The following QKI variants were observed in gnomAD, a reference collection of about 807,000 sequenced individuals.
QKI encodes the protein QKI, KH domain containing RNA binding.
A neutral mutation model predicts 39.0 loss-of-function variants in QKI; 10 were observed. That is an observed-to-expected ratio of 0.26 (90% CI 0.16 to 0.43). The LOEUF is 0.43. Ranked by LOEUF, QKI falls within the 20% of genes least tolerant of loss-of-function variation. The pLI, the probability that QKI is intolerant of heterozygous loss-of-function variation, is 1.00. For missense variants in QKI, 218 were observed against 428.0 expected, an observed-to-expected ratio of 0.51 and a Z score of 4.33; for synonymous variants, 204 against 155.4, an observed-to-expected ratio of 1.31 and a Z score of -2.33.
chr6:163,508,167 T>C (rs1779213586), intron 3 of QKI, among the ~76,000 whole-genome samples: 1 of 152,070 alleles, frequency 6.6e-6, no homozygotes, highest in Non-Finnish European at 1.5e-5. Context: ...CTGACATATG[T>C]ATAATTGGAG....
chr6:163,492,043 T>C (rs971110185), intron 3 of QKI, among the ~76,000 whole-genome samples: 10 of 152,206 alleles, frequency 6.6e-5, no homozygotes, highest in African/African-American at 2.4e-4. Context: ...TTTGAGCATC[T>C]TGTAGTTGTG....
chr6:163,416,360 G>T (rs927817530), intron 1 of QKI: 4 of 159,760 alleles, frequency 2.5e-5, no homozygotes, highest in East Asian at 1.8e-4. Context: ...TTCTGTGGAC[G>T]CCTAGAGAAA....
chr6:163,427,216 A>G (rs1238761917), intron 1 of QKI, among the ~76,000 whole-genome samples: 1 of 138,230 alleles, frequency 7.2e-6, no homozygotes, highest in East Asian at 2.1e-4. Context: ...CAATTTTTTA[A>G]CGTTACTGTT....
chr6:163,485,692 A>G (rs1247176735), intron 3 of QKI, among the ~76,000 whole-genome samples: 1 of 152,146 alleles, frequency 6.6e-6, no homozygotes, highest in African/African-American at 2.4e-5. Context: ...TATGCAGTTT[A>G]TCAAAGCCAT....
intron 3 of QKI, among the ~76,000 whole-genome samples, chr6:163,512,335 T>G (rs2128235355): frequency 6.6e-6 from 1 of 151,984 alleles, no homozygotes. Context: ...TCCTAGCAAG[T>G]GCAATAAAGC....
intron 3 of QKI, among the ~76,000 whole-genome samples, chr6:163,487,931 A>G (rs1392300125): frequency 6.6e-6 from 1 of 151,858 alleles, no homozygotes; most frequent in African/African-American, 2.4e-5. Flanking sequence ...CTTCATTCAT[A>G]TTAGCTAGAT....
intron 7 of QKI, chr6:163,568,351 C>T (rs1783498308): frequency 2.0e-6 from 2 of 985,334 alleles, no homozygotes; most frequent in African/African-American, 1.7e-5. Flanking sequence ...ACTCCAGTGC[C>T]TTGAGATAGT....
intron 6 of QKI, chr6:163,563,999 T>A: frequency 8.0e-7 from 1 of 1,254,204 alleles, no homozygotes; most frequent in Non-Finnish European, 1.0e-6. Context: ...TTGACATTAC[T>A]GAGGTCATTC....
intron 4 of QKI, among the ~76,000 whole-genome samples, chr6:163,553,167 G>C (rs529610783): frequency 6.7e-6 from 1 of 150,032 alleles, no homozygotes; most frequent in South Asian, 2.1e-4. Flanking sequence ...GCAATGGCAC[G>C]ATCTCGGCTC....
At chr6:163,512,801 A>G (rs1481258260) in intron 3 of QKI, among the ~76,000 whole-genome samples, 1 of 152,176 alleles carries the variant, frequency 6.6e-6, no homozygotes, top group East Asian at 1.9e-4. Flanking sequence ...ATATTCTTTA[A>G]TCATAGTGGA....
intron 1 of QKI, among the ~76,000 whole-genome samples, chr6:163,452,264 AGT>A (rs1000859199): frequency 7.2e-5 from 11 of 152,342 alleles, no homozygotes; most frequent in Admixed American, 4.6e-4. Context: ...CAAACTCAAC[AGT>A]GAGTAAGATT....
chr6:163,556,974 C>A (rs1782669105), intron 4 of QKI, among the ~76,000 whole-genome samples: 1 of 152,298 alleles, frequency 6.6e-6, no homozygotes, highest in South Asian at 2.1e-4. Context: ...CCCAGCAACT[C>A]TACTCATAGG....
intron 3 of QKI, among the ~76,000 whole-genome samples, chr6:163,531,022 A>AT (rs148366303): frequency 0.029 from 4,309 of 150,672 alleles, 191 homozygotes; most frequent in African/African-American, 0.097. Flanking sequence ...GTTCTGCACC[A>AT]TTTTTTTTTA....
chr6:163,559,863 G>T (rs974015527), intron 4 of QKI, among the ~76,000 whole-genome samples: 6 of 152,166 alleles, frequency 3.9e-5, no homozygotes, highest in African/African-American at 1.4e-4. Context: ...TTATGAATCA[G>T]AGAGGAACAA....
chr6:163,569,356 CCTT>C (rs1338106142), intron 7 of QKI: 1 of 1,214,752 alleles, frequency 8.2e-7, no homozygotes, highest in Admixed American at 3.2e-5. Context: ...GAACATTACA[CCTT>C]CTGGGCTTTG....
At chr6:163,567,121 TTACCTTTTA>T in intron 7 of QKI, 15 of 1,025,800 alleles carry the variant, frequency 1.5e-5, no homozygotes, top group Non-Finnish European at 1.8e-5. Context: ...TTGCTAAAAT[TTACCTTTTA>T]AAAGTTCTGA....
chr6:163,526,889 A>G (rs1780551316), intron 3 of QKI, among the ~76,000 whole-genome samples: 1 of 152,224 alleles, frequency 6.6e-6, no homozygotes, highest in South Asian at 2.1e-4. Flanking sequence ...TAACAATTAA[A>G]TTAGTGGAAT....
intron 3 of QKI, among the ~76,000 whole-genome samples, chr6:163,518,793 T>A (rs2128237052): frequency 6.6e-6 from 1 of 152,312 alleles, no homozygotes; most frequent in Admixed American, 6.5e-5. Context: ...TAGTAACTAC[T>A]CTTTCAGCAT....
intron 1 of QKI, among the ~76,000 whole-genome samples, chr6:163,429,268 A>T (rs1788647892): frequency 1.3e-5 from 2 of 152,188 alleles, no homozygotes; most frequent in Admixed American, 1.3e-4. Flanking sequence ...CTTATTGGGA[A>T]AAACTAAAAT....
Sources: allele counts gnomAD v4.1 joint callset (sites outside exome capture counted in the v4.1 genomes callset), GRCh38; gene constraint gnomAD v4.1.1; transcripts MANE v1.5; gene names NCBI Gene and HGNC (gene_info 2026-07-23, HGNC 2026-07-21).